The following DYNLL1 variants were observed in gnomAD, a reference collection of about 807,000 sequenced individuals.
DYNLL1 encodes dynein light chain LC8-type 1.
In DYNLL1, 3 loss-of-function variants were observed where a neutral mutation model predicts 10.1. The ratio of observed to expected loss-of-function variants is 0.30; its 90% confidence interval spans 0.14 to 0.77. The LOEUF (loss-of-function observed/expected upper bound fraction) is 0.77. Among genes scored for constraint, DYNLL1 ranks in the 30% least tolerant of loss-of-function variants. The probability of loss-of-function intolerance (pLI) is 0.66; values close to 1 mark genes in which losing one functional copy is unlikely to be tolerated. For synonymous variants in DYNLL1, 46 were observed against 41.2 expected (o/e 1.12, Z -0.45); for missense variants, 47 against 111.7 (o/e 0.42, Z 2.61).
intron 1 of DYNLL1, among the ~76,000 whole-genome samples, chr12:120,476,245 T>A (rs1334934668): frequency 6.6e-6 from 1 of 151,904 alleles, no homozygotes; most frequent in Non-Finnish European, 1.5e-5. Flanking sequence ...TATAATTCAG[T>A]AATGGCACCT....
chr12:120,494,136 A>G (rs367947515), upstream of DYNLL1, among the ~76,000 whole-genome samples: 2 of 152,048 alleles, frequency 1.3e-5, no homozygotes, highest in South Asian at 4.2e-4. Flanking sequence ...CTTGTTGTCA[A>G]CCTATTTCTT....
chr12:120,473,548 A>G (rs1042970859), intron 1 of DYNLL1, among the ~76,000 whole-genome samples: 2 of 151,458 alleles, frequency 1.3e-5, no homozygotes, highest in Admixed American at 1.3e-4. Flanking sequence ...CACAAAAATT[A>G]GTCGGAGGTG....
intron 1 of DYNLL1, chr12:120,490,721 T>C (rs1010978959): frequency 4.6e-5 from 7 of 152,220 alleles, no homozygotes; most frequent in African/African-American, 1.7e-4. Flanking sequence ...TGTGGTGTGA[T>C]TGGCATCTAG....
chr12:120,482,040 GTTTAAT>G (rs1349720655), intron 1 of DYNLL1, among the ~76,000 whole-genome samples: 4 of 152,076 alleles, frequency 2.6e-5, no homozygotes, highest in Admixed American at 2.0e-4. Flanking sequence ...TCTTTCGTCT[GTTTAAT>G]TCACAGGTCC....
chr12:120,494,370 G>A (rs752498134), upstream of DYNLL1, among the ~76,000 whole-genome samples: 8 of 150,726 alleles, frequency 5.3e-5, no homozygotes, highest in Non-Finnish European at 1.2e-4. Flanking sequence ...TCTGTGTCCC[G>A]GGTTCAAGTG....
chr12:120,495,906 G>A (rs1206628630), upstream of DYNLL1: 2 of 167,710 alleles, frequency 1.2e-5, no homozygotes, highest in Non-Finnish European at 2.6e-5. Flanking sequence ...GCGGCCCATT[G>A]CCCGGGCAAC....
At chr12:120,478,143 T>C (rs1878797964) in intron 1 of DYNLL1, among the ~76,000 whole-genome samples, 1 of 151,210 alleles carries the variant, frequency 6.6e-6, no homozygotes. Flanking sequence ...AGTTTCACTC[T>C]TGTTGCCCAG....
chr12:120,484,074 C>T (rs1878941890), intron 1 of DYNLL1, among the ~76,000 whole-genome samples: 1 of 151,992 alleles, frequency 6.6e-6, no homozygotes, highest in African/African-American at 2.4e-5. Flanking sequence ...ACAGGGAGTA[C>T]AGACAACTCT....
chr12:120,497,464 G>GTAAAATAATTTATTAATTAAAATAAAATA (rs1868488724), intron 2 of DYNLL1: 3 of 152,480 alleles, frequency 2.0e-5, no homozygotes, highest in African/African-American at 7.2e-5. Context: ...AATAATTAAG[G>GTAAAATAATTTATTAATTAAAATAAAATA]ATAAAATTTG....
chr12:120,479,992 G>T (rs1230249112), intron 1 of DYNLL1, among the ~76,000 whole-genome samples: 1 of 152,162 alleles, frequency 6.6e-6, no homozygotes. Flanking sequence ...GGCATGATCA[G>T]TCTGGGGGAA....
upstream of DYNLL1, among the ~76,000 whole-genome samples, chr12:120,492,894 GT>G (rs536900508): frequency 2.0e-4 from 29 of 147,832 alleles, no homozygotes; most frequent in African/African-American, 3.5e-4. The surrounding 1 kb of genome is among the most constrained non-coding windows in gnomAD (Gnocchi z 4.1). Flanking sequence ...TTGTAGAAGA[GT>G]TTTTTTTTTT....
upstream of DYNLL1, chr12:120,491,960 GC>G (rs1879142981): frequency 6.6e-6 from 1 of 152,182 alleles, no homozygotes; most frequent in Non-Finnish European, 1.5e-5. Flanking sequence ...CTGTTCGGAG[GC>G]ATCAACTCCT....
chr12:120,470,894 A>C (rs1878633604), intron 1 of DYNLL1, among the ~76,000 whole-genome samples: 1 of 151,946 alleles, frequency 6.6e-6, no homozygotes, highest in African/African-American at 2.4e-5. Context: ...AAAATACAAA[A>C]ATTAGCTGGG....
chr12:120,471,813 G>C (rs147487941), intron 1 of DYNLL1, among the ~76,000 whole-genome samples: 4,529 of 152,036 alleles, frequency 0.03, 239 homozygotes, highest in African/African-American at 0.1. Flanking sequence ...GGGTTTCACC[G>C]TGTTAGCCAG....
At chr12:120,495,344 C>G (rs1053206117), upstream of DYNLL1, 1 of 152,190 alleles carries the variant, frequency 6.6e-6, no homozygotes, top group African/African-American at 2.4e-5. Flanking sequence ...GGGCTCAACA[C>G]TCCCAAATCC....
chr12:120,483,961 A>T (rs1292014110), intron 1 of DYNLL1, among the ~76,000 whole-genome samples: 1 of 149,608 alleles, frequency 6.7e-6, no homozygotes, highest in African/African-American at 2.4e-5. Context: ...GGCACTGAGA[A>T]TTGGCCACTG....
At chr12:120,496,668 C>T in intron 2 of DYNLL1, 115 bp downstream of exon 2, 3 of 1,568,132 alleles carry the variant, frequency 1.9e-6, no homozygotes, top group Non-Finnish European at 2.6e-6. Flanking sequence ...CGGCTTGGGG[C>T]GTAGAAGCTT....
intron 1 of DYNLL1, among the ~76,000 whole-genome samples, chr12:120,482,413 C>G (rs1053122692): frequency 2.0e-5 from 3 of 151,986 alleles, no homozygotes; most frequent in Non-Finnish European, 4.4e-5. Context: ...AGCTCCACCT[C>G]CCGGGTTCAC....
intron 2 of DYNLL1, 142 bp downstream of exon 2, chr12:120,496,695 T>TG: frequency 7.2e-6 from 10 of 1,395,430 alleles, no homozygotes; most frequent in Non-Finnish European, 8.9e-6. Context: ...AGGACGCAGA[T>TG]GCATTTTGCG....
Sources: allele counts gnomAD v4.1 joint callset (sites outside exome capture counted in the v4.1 genomes callset), GRCh38; gene constraint gnomAD v4.1.1; non-coding constraint Gnocchi (gnomAD v3.1); transcripts MANE v1.5; gene names NCBI Gene and HGNC (gene_info 2026-07-23, HGNC 2026-07-21).